PABPN1L: variants seen among roughly 807,000 people sequenced by gnomAD.
PABPN1L encodes embryonic polyadenylate-binding protein 2.
In PABPN1L, 45 loss-of-function variants were observed where a neutral mutation model predicts 34.0. That is an observed-to-expected ratio of 1.32 (90% CI 1.04 to 1.70). The LOEUF (loss-of-function observed/expected upper bound fraction) is 1.70. Ranked by LOEUF, PABPN1L falls within the 40% of genes most tolerant of loss-of-function variation. The probability of loss-of-function intolerance (pLI) is 0.00; values close to 1 mark genes in which losing one functional copy is unlikely to be tolerated. For missense variants in PABPN1L, 459 were observed against 367.8 expected, an observed-to-expected ratio of 1.25 and a Z score of -2.03; for synonymous variants, 182 against 152.1, an observed-to-expected ratio of 1.20 and a Z score of -1.45.
At chr16:88,864,124 G>T in intron 6 of PABPN1L, 113 bp downstream of exon 6, 2 of 1,354,292 alleles carry the variant, frequency 1.5e-6, no homozygotes, top group Non-Finnish European at 2.0e-6. Flanking sequence ...CCCAGGCCCC[G>T]CCAGGTACAT....
At chr16:88,868,867 A>G (rs79064956), upstream of PABPN1L, among the ~76,000 whole-genome samples, 2,381 of 152,246 alleles carry the variant, frequency 0.016, 71 homozygotes, top group African/African-American at 0.048. Flanking sequence ...AGGGAATAGG[A>G]AGCTGGCAGG....
intron 2 of PABPN1L, 67 bp downstream of exon 2, chr16:88,865,739 G>A: frequency 5.1e-6 from 8 of 1,558,262 alleles, no homozygotes; most frequent in Non-Finnish European, 7.0e-6. Context: ...AGCCTGCCAG[G>A]CCCAACCTTA....
At chr16:88,865,753 G>T (rs1968576157) in intron 2 of PABPN1L, 53 bp downstream of exon 2, 6 of 1,563,568 alleles carry the variant, frequency 3.8e-6, no homozygotes, top group Middle Eastern at 3.4e-4. Context: ...AACCTTAATG[G>T]AAACTGTGGG....
At chr16:88,864,874 G>A (rs370137202) in exon 5 of PABPN1L, 40 of 1,607,660 alleles carry the variant, frequency 2.5e-5, no homozygotes, top group Non-Finnish European at 3.2e-5. Flanking sequence ...GGCCCCGGAA[G>A]AGGCTCTGGT....
chr16:88,867,929 C>T (rs540227295), upstream of PABPN1L, among the ~76,000 whole-genome samples: 2 of 152,286 alleles, frequency 1.3e-5, no homozygotes, highest in Admixed American at 6.5e-5. Flanking sequence ...ACCCCCAGGC[C>T]GAGGCCATCC....
exon 1 of PABPN1L, chr16:88,866,372 C>T: frequency 1.9e-6 from 3 of 1,550,538 alleles, no homozygotes; most frequent in South Asian, 1.2e-5. Flanking sequence ...AATGGGCACT[C>T]AGCCAGGTTC....
exon 2 of PABPN1L, chr16:88,865,841 G>T (rs1025724965): frequency 6.2e-6 from 10 of 1,609,596 alleles, no homozygotes; most frequent in Non-Finnish European, 8.5e-6. Context: ...CCCGGCCGCG[G>T]TGCCCTCCTC....
At chr16:88,863,827 C>T in intron 6 of PABPN1L, 32 bp from the exon 7 acceptor site, 2 of 1,530,746 alleles carry the variant, frequency 1.3e-6, no homozygotes, top group Non-Finnish European at 8.8e-7. Context: ...ACTGAGTGGC[C>T]TTCCAGAGGA....
chr16:88,866,575 G>A, exon 1 of PABPN1L: 1 of 1,553,374 alleles, frequency 6.4e-7, no homozygotes, highest in Non-Finnish European at 8.7e-7. Context: ...AGTCGGGGGT[G>A]GGAAGAGAGA....
chr16:88,864,339 G>C, exon 6 of PABPN1L: 1 of 1,555,862 alleles, frequency 6.4e-7, no homozygotes, highest in Non-Finnish European at 8.7e-7. Context: ...CCCGCGGTCT[G>C]TGGAGCTGAT....
chr16:88,869,076 C>CAA (rs1567566045), upstream of PABPN1L, among the ~76,000 whole-genome samples: 1 of 152,180 alleles, frequency 6.6e-6, no homozygotes, highest in Non-Finnish European at 1.5e-5. Context: ...CGTGGCTGTC[C>CAA]AATTAGGAAG....
At chr16:88,863,672 T>C in exon 7 of PABPN1L, 1 of 1,487,440 alleles carries the variant, frequency 6.7e-7, no homozygotes, top group African/African-American at 1.4e-5. Context: ...CCCGCGCCAC[T>C]CCCTGCCCCA....
At chr16:88,866,299 G>A (rs999797775) in intron 1 of PABPN1L, 53 bp downstream of exon 1, 2 of 1,519,802 alleles carry the variant, frequency 1.3e-6, no homozygotes, top group Admixed American at 4.0e-5. Flanking sequence ...GTCTCCACCA[G>A]CCCCTGTGCC....
chr16:88,865,058 G>A (rs990917750), exon 4 of PABPN1L: 3 of 1,598,036 alleles, frequency 1.9e-6, no homozygotes, highest in Admixed American at 1.7e-5. Flanking sequence ...ACACAGGATC[G>A]TGACTCGGTG....
intron 1 of PABPN1L, 42 bp downstream of exon 1, chr16:88,866,310 C>T: frequency 6.5e-7 from 1 of 1,530,148 alleles, no homozygotes; most frequent in Non-Finnish European, 8.8e-7. Context: ...CCCCTGTGCC[C>T]CAGGTCCCCT....
intron 6 of PABPN1L, 84 bp downstream of exon 6, chr16:88,864,153 A>T (rs1362850341): frequency 2.1e-6 from 3 of 1,449,574 alleles, no homozygotes; most frequent in Non-Finnish European, 2.7e-6. Flanking sequence ...CCCCATGAGG[A>T]ACGAGCTCAG....
At chr16:88,864,473 C>T (rs927786473) in intron 5 of PABPN1L, 94 bp from the exon 6 acceptor site, 14 of 1,442,284 alleles carry the variant, frequency 9.7e-6, no homozygotes, top group Non-Finnish European at 1.3e-5. Context: ...GCATGGGGTC[C>T]TGCCCGGCTC....
exon 7 of PABPN1L, chr16:88,863,668 C>T: frequency 2.7e-6 from 4 of 1,482,226 alleles, no homozygotes; most frequent in East Asian, 2.5e-5. Flanking sequence ...CGCCCCCGCG[C>T]CACTCCCTGC....
At chr16:88,867,639 G>A (rs533197989), upstream of PABPN1L, among the ~76,000 whole-genome samples, 607 of 152,274 alleles carry the variant, frequency 4.0e-3, 5 homozygotes, top group African/African-American at 0.014. Flanking sequence ...CGGGGTCTCC[G>A]TGGGGAGTGA....
Sources: gnomAD v4.1 joint callset for allele counts (sites outside exome capture counted in the v4.1 genomes callset) on GRCh38, gnomAD v4.1.1 for gene constraint, MANE v1.5 for transcripts, NCBI Gene and HGNC (gene_info 2026-07-23, HGNC 2026-07-21) for gene names.